The following DLGAP1 variants were observed in gnomAD, a reference collection of about 807,000 sequenced individuals.
DLGAP1 encodes the protein disks large-associated protein 1.
In DLGAP1, 11 loss-of-function variants were observed where a neutral mutation model predicts 90.8. That is an observed-to-expected ratio of 0.12 (90% CI 0.08 to 0.20). The LOEUF is 0.20. DLGAP1 is among the 10% of genes least tolerant of loss of function. The pLI is 1.00. For missense variants in DLGAP1, 1,050 were observed against 1,333.8 expected (o/e 0.79, Z 3.31); for synonymous variants, 558 against 540.7 (o/e 1.03, Z -0.44).
In DLGAP1 at chr18:3,570,372, G is replaced by A. The variant is rs545829081; in HGVS notation, c.1966-2791C>T. ...CGGCTCAGTGCAACCTCCACCTCCC[G>A]GGTTCAAGTGATTCTCCTGCCTCAG... On this transcript the variant is annotated intron_variant, in intron 8 of 12. Transcript: ENST00000315677. Among the ~76,000 whole-genome samples the A allele has an allele frequency of 2.0e-4, 30 of 151,128 alleles. 3 individuals carry two copies. In the South Asian group the frequency reaches 5.7e-3, roughly 29 times the overall value.
intron 4 of DLGAP1, among the ~76,000 whole-genome samples, chr18:3,871,552 T>C (rs544823468): frequency 6.6e-5 from 10 of 152,214 alleles, no homozygotes; most frequent in East Asian, 1.9e-4. Flanking sequence ...TTTACAATTG[T>C]TGGATTCTCC....
At chr18:3,941,447 G>C (rs1219186347) in intron 3 of DLGAP1, among the ~76,000 whole-genome samples, 1 of 152,172 alleles carries the variant, frequency 6.6e-6, no homozygotes, top group Non-Finnish European at 1.5e-5. Context: ...CCAAGGTTGG[G>C]CAAAGTTAGA....
At chr18:4,060,537 C>A (rs1009191127) in intron 2 of DLGAP1, among the ~76,000 whole-genome samples, 6 of 152,166 alleles carry the variant, frequency 3.9e-5, no homozygotes, top group African/African-American at 1.4e-4. Context: ...ATTATTCAGA[C>A]AAGCTCTAGT....
intron 3 of DLGAP1, among the ~76,000 whole-genome samples, chr18:4,000,206 AAT>A (rs2074153901): frequency 1.4e-5 from 2 of 140,380 alleles, no homozygotes; most frequent in South Asian, 4.8e-4. Context: ...AATATCTGTA[AAT>A]AATACCTTTA....
intron 1 of DLGAP1, among the ~76,000 whole-genome samples, chr18:4,339,961 T>G (rs2081153784): frequency 6.6e-6 from 1 of 152,186 alleles, no homozygotes; most frequent in Non-Finnish European, 1.5e-5. Context: ...CCCTTAACTC[T>G]CTTATAACAA....
chr18:4,328,798 G>A (rs558169479), intron 1 of DLGAP1, among the ~76,000 whole-genome samples: 1 of 151,990 alleles, frequency 6.6e-6, no homozygotes, highest in African/African-American at 2.4e-5. Context: ...TACTAACGAT[G>A]TTGAGCATCT....
chr18:4,390,419 C>T lies in DLGAP1; in HGVS notation c.-267+64587G>A, dbSNP rs529524780. ...ACATCAGGGCTCATTCTCGGTGTTG[C>T]ACATTCTACGAGCTTTGAAAAATGT... On this transcript the variant is annotated intron_variant, in intron 1 of 12. Transcript: ENST00000315677. Among the ~76,000 whole-genome samples, 14 of 152,120 alleles carry T rather than the reference C, an allele frequency of 9.2e-5. 1 individual carries two copies. In the South Asian group the frequency reaches 2.9e-3, roughly 32 times the overall value.
rs542819772 is a variant in DLGAP1 at position 4,069,237 on chromosome 18, C to A, written c.-158-64036G>T. Among the ~76,000 whole-genome samples, 20 of 152,266 alleles carry A rather than the reference C, an allele frequency of 1.3e-4. No individual in the cohort carries two copies. In the South Asian group the frequency reaches 4.1e-3, roughly 32 times the overall value. ...TATAAAGTATTCAAAGCACTTGGTT[C>A]ATAGTCAGTACTTAATAAGTATTTC... On this transcript the variant is annotated intron_variant, in intron 2 of 12. Transcript: ENST00000315677.
chr18:3,851,146 G>T (rs753212937), intron 4 of DLGAP1, among the ~76,000 whole-genome samples: 1 of 152,102 alleles, frequency 6.6e-6, no homozygotes, highest in African/African-American at 2.4e-5. Flanking sequence ...AGGGGTTCTA[G>T]ATATAGCAGA....
At chr18:3,898,497 C>A (rs1407793770) in intron 3 of DLGAP1, among the ~76,000 whole-genome samples, 1 of 152,160 alleles carries the variant, frequency 6.6e-6, no homozygotes. Flanking sequence ...GACTCCAGAG[C>A]TCACAGTTTA....
At chr18:4,052,211 G>A (rs557289691) in intron 2 of DLGAP1, among the ~76,000 whole-genome samples, 60 of 152,256 alleles carry the variant, frequency 3.9e-4, no homozygotes, top group African/African-American at 1.4e-3. Context: ...GTGACTCTGT[G>A]GGGACTCTAA....
At chr18:3,627,612 T>C (rs575021891) in intron 7 of DLGAP1, among the ~76,000 whole-genome samples, 1 of 152,136 alleles carries the variant, frequency 6.6e-6, no homozygotes, top group Admixed American at 6.6e-5. Flanking sequence ...AAACATACAG[T>C]AGTTTGTCTT....
intron 2 of DLGAP1, among the ~76,000 whole-genome samples, chr18:4,089,969 C>T (rs1158939964): frequency 3.9e-5 from 6 of 152,068 alleles, no homozygotes; most frequent in Non-Finnish European, 8.8e-5. Context: ...GGCGTGAACC[C>T]GGGAGGCGGA....
At chr18:3,596,955 T>TCCACCCGATGTCCC (rs1568268470) in intron 7 of DLGAP1, 1 of 520,052 alleles carries the variant, frequency 1.9e-6, no homozygotes, top group Admixed American at 1.9e-5. Context: ...CCCTGGGTCG[T>TCCACCCGATGTCCC]CCACCCGATG....
At chr18:3,960,392 G>A (rs1345143579) in intron 3 of DLGAP1, among the ~76,000 whole-genome samples, 1 of 151,896 alleles carries the variant, frequency 6.6e-6, no homozygotes, top group Non-Finnish European at 1.5e-5. Context: ...CTCCTGGAGG[G>A]CTTCTTACAA....
At chr18:3,712,364 C>A (rs1455944315) in intron 7 of DLGAP1, among the ~76,000 whole-genome samples, 1 of 152,180 alleles carries the variant, frequency 6.6e-6, no homozygotes, top group Non-Finnish European at 1.5e-5. Flanking sequence ...TCCTGACCCT[C>A]CCTACTGGGC....
At chr18:3,813,361 C>A (rs1395219602) in intron 5 of DLGAP1, among the ~76,000 whole-genome samples, 2 of 152,104 alleles carry the variant, frequency 1.3e-5, no homozygotes, top group Admixed American at 1.3e-4. Context: ...CTCCATATAG[C>A]CTAAGTGTGT....
At chr18:3,589,267 G>A (rs1009629798) in intron 7 of DLGAP1, among the ~76,000 whole-genome samples, 2 of 152,196 alleles carry the variant, frequency 1.3e-5, no homozygotes, top group Admixed American at 1.3e-4. Context: ...ATTCTGTAGT[G>A]GTGAAGATGT....
In DLGAP1 at chr18:4,352,067, A is replaced by G. The variant is rs115592814; in HGVS notation, c.-267+102939T>C. 2.6e-3 allele frequency among the ~76,000 whole-genome samples: 401 copies of G among 152,290 alleles called. 3 individuals carry two copies. Among genetic ancestry groups the G allele is most frequent in the African/African-American group, 8.8e-3 (364 of 41,554 alleles). On this transcript the variant is annotated intron_variant, in intron 1 of 12. Coordinates refer to ENST00000315677, the MANE Select transcript of DLGAP1 (RefSeq NM_004746.4). Reference sequence around the variant, plus strand: ...TACTATTTCTAGAAAAGCTCGCATAAACTTTCGAAATGGCATCAAGCCACC... The same window carrying G: ...TACTATTTCTAGAAAAGCTCGCATAGACTTTCGAAATGGCATCAAGCCACC...
Sources: allele counts gnomAD v4.1 joint callset (sites outside exome capture counted in the v4.1 genomes callset), GRCh38; gene constraint gnomAD v4.1.1; transcripts MANE v1.5; gene names NCBI Gene and HGNC (gene_info 2026-07-23, HGNC 2026-07-21).